SIL1: variants seen among roughly 807,000 people sequenced by gnomAD.
SIL1 encodes SIL1 nucleotide exchange factor.
Under a neutral mutation model 49.1 loss-of-function variants are expected in SIL1, and 40 were observed. That is an observed-to-expected ratio of 0.81 (90% CI 0.63 to 1.06). The LOEUF (loss-of-function observed/expected upper bound fraction) is 1.06, where lower values mean the gene tolerates loss of function less well. Ranked by LOEUF, SIL1 falls within the 50% of genes least tolerant of loss-of-function variation. The pLI, the probability that SIL1 is intolerant of heterozygous loss-of-function variation, is 0.00. For synonymous variants in SIL1, 253 were observed against 250.8 expected (o/e 1.01, Z -0.08); for missense variants, 500 against 572.6 (o/e 0.87, Z 1.29).
intron 2 of SIL1, among the ~76,000 whole-genome samples, chr5:139,125,481 C>T (rs1750734374): frequency 2.0e-5 from 3 of 152,228 alleles, no homozygotes; most frequent in African/African-American, 7.2e-5. Context: ...CAGAGACAGA[C>T]TGCCAGGGCA....
chr5:139,043,282 G>A (rs928653227), intron 4 of SIL1, among the ~76,000 whole-genome samples: 9 of 152,186 alleles, frequency 5.9e-5, no homozygotes, highest in Non-Finnish European at 1.0e-4. Context: ...AATAAGCCTG[G>A]CATAACTGTG....
intron 5 of SIL1, among the ~76,000 whole-genome samples, chr5:139,031,562 ATTC>A (rs1040241740): frequency 2.6e-5 from 4 of 152,120 alleles, no homozygotes; most frequent in Admixed American, 6.5e-5. Flanking sequence ...TCTTCCACTT[ATTC>A]TTCTTTTTAA....
At position 138,951,901 on chromosome 5, in the gene SIL1, G is replaced by T; in HGVS notation, c.768-17C>A. On this transcript the variant is annotated splice_polypyrimidine_tract_variant and intron_variant, in intron 7 of 9. Coordinates refer to ENST00000394817, the MANE Select transcript of SIL1 (RefSeq NM_022464.5). ...TTGGGGTTGCTGGGGAAGAAGCACAGGACAGCATGACTACCCTGCCCAGCC... is the reference window on the plus strand; with the variant it reads ...TTGGGGTTGCTGGGGAAGAAGCACATGACAGCATGACTACCCTGCCCAGCC... 6.2e-7 allele frequency: 1 copy of T among 1,607,184 alleles called. No individual in the cohort carries two copies. Among genetic ancestry groups the T allele is most frequent in the South Asian group, 1.1e-5 (1 of 90,974 alleles).
intron 7 of SIL1, chr5:139,012,753 A>AG (rs1768311825): frequency 6.6e-6 from 1 of 152,222 alleles, no homozygotes; most frequent in Non-Finnish European, 1.5e-5. Context: ...GAATCACTCA[A>AG]GCCCAGGAGT....
chr5:139,052,226 A>C (rs1332903720), intron 3 of SIL1, among the ~76,000 whole-genome samples: 1 of 151,098 alleles, frequency 6.6e-6, no homozygotes, highest in Admixed American at 6.6e-5. Context: ...TCCACCAGTC[A>C]CTCTATCCCC....
At chr5:139,025,049 C>T (rs1344695595) in intron 6 of SIL1, among the ~76,000 whole-genome samples, 1 of 152,230 alleles carries the variant, frequency 6.6e-6, no homozygotes, top group African/African-American at 2.4e-5. Flanking sequence ...TACCTACAAA[C>T]ATATTACATA....
chr5:139,194,297 T>A (rs1452408967), intron 1 of SIL1, among the ~76,000 whole-genome samples: 1 of 152,200 alleles, frequency 6.6e-6, no homozygotes, highest in Non-Finnish European at 1.5e-5. Context: ...GCAGCCCGAA[T>A]CTTTTACAAG....
chr5:139,080,902 C>T (rs77044271), intron 3 of SIL1, among the ~76,000 whole-genome samples: 1,527 of 152,290 alleles, frequency 0.01, 9 homozygotes, highest in Admixed American at 0.015. Context: ...ATTTGTTTTT[C>T]GCCAGTCCCA....
chr5:139,035,583 T>C lies in SIL1; in HGVS notation c.453+7037A>G, dbSNP rs528564836. On this transcript the variant is annotated intron_variant, in intron 5 of 9. Coordinates refer to ENST00000394817, the MANE Select transcript of SIL1 (RefSeq NM_022464.5). ...GGCCAGTGCCAGATACCAGCAATGATACCTGTGCCAGCACAGACATGGCGC... is the reference window on the plus strand; with the variant it reads ...GGCCAGTGCCAGATACCAGCAATGACACCTGTGCCAGCACAGACATGGCGC... The C allele has an allele frequency of 8.9e-6, 4 of 447,528 alleles. No homozygotes were observed. In the East Asian group the frequency reaches 1.7e-4, roughly 19 times the overall value. The allele number at this position is 447,528 out of a possible 1,614,324, so 27.7% of individuals were successfully genotyped here. A position where few individuals can be genotyped will look rare whatever the true frequency, so the allele number is the denominator to read the frequency against.
intron 7 of SIL1, among the ~76,000 whole-genome samples, chr5:139,001,578 C>A (rs183341744): frequency 1.2e-4 from 19 of 152,244 alleles, no homozygotes; most frequent in Non-Finnish European, 2.6e-4. Context: ...AGGGGGGATA[C>A]AATGAAGACA....
intron 1 of SIL1, among the ~76,000 whole-genome samples, chr5:139,159,261 G>A (rs1751462713): frequency 6.6e-6 from 1 of 152,230 alleles, no homozygotes; most frequent in African/African-American, 2.4e-5. Context: ...AAGGCCAGCA[G>A]GATGTGAGGA....
chr5:139,128,136 T>C (rs1750791562), intron 1 of SIL1: 2 of 429,022 alleles, frequency 4.7e-6, no homozygotes, highest in Admixed American at 5.5e-5. Context: ...GAACTTGTTA[T>C]CAGGTTGTGG....
intron 6 of SIL1, among the ~76,000 whole-genome samples, chr5:139,021,634 C>T (rs549940099): frequency 1.3e-5 from 2 of 152,118 alleles, no homozygotes. Flanking sequence ...AAGAATCTGG[C>T]GTCATCAGCA....
chr5:138,994,024 T>C (rs1767811659), intron 7 of SIL1, among the ~76,000 whole-genome samples: 1 of 152,160 alleles, frequency 6.6e-6, no homozygotes. Context: ...TACTAGATAA[T>C]ATATAAATAA....
At chr5:139,140,386 T>G (rs1751056831) in intron 1 of SIL1, among the ~76,000 whole-genome samples, 1 of 152,264 alleles carries the variant, frequency 6.6e-6, no homozygotes, top group East Asian at 1.9e-4. Flanking sequence ...ACAGAAACAC[T>G]TAGCAACAAT....
chr5:139,102,398 T>A (rs200589978), intron 3 of SIL1, among the ~76,000 whole-genome samples: 2 of 151,890 alleles, frequency 1.3e-5, no homozygotes, highest in African/African-American at 4.8e-5. Context: ...TTTGGGTGAT[T>A]TTGTTGTTGT....
At chr5:139,104,968 G>GAAATGA (rs1770668397) in intron 3 of SIL1, among the ~76,000 whole-genome samples, 1 of 152,116 alleles carries the variant, frequency 6.6e-6, no homozygotes, top group African/African-American at 2.4e-5. Flanking sequence ...GAGGAAAAGC[G>GAAATGA]GAAGAAATGA....
At chr5:138,976,231 TAAC>T (rs1273302378) in intron 7 of SIL1, among the ~76,000 whole-genome samples, 2 of 151,746 alleles carry the variant, frequency 1.3e-5, no homozygotes, top group Non-Finnish European at 2.9e-5. Flanking sequence ...AGGATGACAA[TAAC>T]AACAATATTA....
chr5:139,166,848 G>A (rs1036849544), intron 1 of SIL1, among the ~76,000 whole-genome samples: 7 of 151,836 alleles, frequency 4.6e-5, no homozygotes, highest in African/African-American at 7.3e-5. Context: ...TCACTCTGTC[G>A]CCCAGGCTGG....
Sources: gnomAD v4.1 joint callset for allele counts (sites outside exome capture counted in the v4.1 genomes callset) on GRCh38, gnomAD v4.1.1 for gene constraint, MANE v1.5 for transcripts, NCBI Gene and HGNC (gene_info 2026-07-23, HGNC 2026-07-21) for gene names.